Variants in RGS6 observed in about 807,000 individuals in gnomAD.
RGS6 encodes regulator of G-protein signaling 6.
In RGS6, 30 loss-of-function variants were observed where a neutral mutation model predicts 78.5. The ratio of observed to expected loss-of-function variants is 0.38; its 90% CI spans 0.29 to 0.52. The LOEUF is 0.52. Ranked by LOEUF, RGS6 falls within the 20% of genes least tolerant of loss-of-function variation. RGS6 has a pLI of 0.85. For missense variants in RGS6, 495 were observed against 609.7 expected, an observed-to-expected ratio of 0.81 and a Z score of 1.98; for synonymous variants, 206 against 206.0, an observed-to-expected ratio of 1.00 and a Z score of 0.00.
chr14:72,280,099 T>C (rs538375335), intron 2 of RGS6, among the ~76,000 whole-genome samples: 1 of 151,996 alleles, frequency 6.6e-6, no homozygotes. Flanking sequence ...GTCAGCATGG[T>C]CCCCACCGCC....
chr14:71,953,450 A>G (rs566160554), intron 1 of RGS6, among the ~76,000 whole-genome samples: 21 of 152,224 alleles, frequency 1.4e-4, no homozygotes, highest in East Asian at 1.9e-4. Context: ...ATTTCATACA[A>G]TTTTCATGTG....
the RGS6 span, among the ~76,000 whole-genome samples, chr14:71,902,402 G>A: frequency 2.0e-5 from 3 of 151,898 alleles, no homozygotes; most frequent in Non-Finnish European, 2.9e-5. Context: ...TTTGAGCCTC[G>A]GGTACCATGG....
chr14:72,252,933 C>T (rs532663016), intron 2 of RGS6, among the ~76,000 whole-genome samples: 22 of 152,286 alleles, frequency 1.4e-4, no homozygotes, highest in African/African-American at 5.1e-4. Flanking sequence ...GCTCCTCACA[C>T]CTGCCCAGGA....
At chr14:72,163,782 C>G (rs1052562032) in intron 2 of RGS6, among the ~76,000 whole-genome samples, 1 of 151,440 alleles carries the variant, frequency 6.6e-6, no homozygotes, top group African/African-American at 2.4e-5. Context: ...ACTCAGGAGG[C>G]TGAGGTAGGA....
intron 2 of RGS6, among the ~76,000 whole-genome samples, chr14:72,217,602 T>C (rs1157006770): frequency 1.3e-5 from 2 of 152,128 alleles, no homozygotes; most frequent in African/African-American, 2.4e-5. Flanking sequence ...GGAATGCAAA[T>C]ATGAGGAAAG....
At chr14:71,963,928 AAACACT>A (rs2093359695) in intron 1 of RGS6, among the ~76,000 whole-genome samples, 1 of 152,190 alleles carries the variant, frequency 6.6e-6, no homozygotes, top group Non-Finnish European at 1.5e-5. Context: ...TTTTTTGAGG[AAACACT>A]AAGCTGTTTT....
intron 2 of RGS6, among the ~76,000 whole-genome samples, chr14:72,324,606 T>C (rs982359258): frequency 1.3e-5 from 2 of 152,108 alleles, no homozygotes; most frequent in African/African-American, 2.4e-5. Flanking sequence ...ACATGCGGTG[T>C]TTGGTTTTCT....
At chr14:72,252,759 A>G (rs2056119015) in intron 2 of RGS6, among the ~76,000 whole-genome samples, 1 of 152,180 alleles carries the variant, frequency 6.6e-6, no homozygotes, top group Non-Finnish European at 1.5e-5. Flanking sequence ...TTAACATGAA[A>G]ATGTTGAAAA....
rs112231159 is a variant in RGS6, at chr14:72,277,369, G to A, written c.85-74726G>A. Among the ~76,000 whole-genome samples, 472 of 151,196 alleles carry A rather than the reference G, an allele frequency of 3.1e-3. 1 individual carries two copies. Among genetic ancestry groups the A allele is most frequent in the African/African-American group, 0.011 (454 of 41,146 alleles). On this transcript the variant is annotated intron_variant, in intron 2 of 17. Coordinates refer to ENST00000553525, the MANE Select transcript of RGS6 (RefSeq NM_001204424.2). The stretch of plus-strand genomic sequence containing the variant: ...TCCCAGCACTTTGGGAGGCCGAAGC[G>A]GGCGGATCATGAGGTCAGGAGATCG...
At chr14:72,084,957 A>G (rs1234831745) in intron 2 of RGS6, among the ~76,000 whole-genome samples, 1 of 152,158 alleles carries the variant, frequency 6.6e-6, no homozygotes, top group Non-Finnish European at 1.5e-5. Flanking sequence ...TTAAGCTTCA[A>G]TCCCCTGGCC....
chr14:72,444,064 C>T (rs1007726466), intron 3 of RGS6, among the ~76,000 whole-genome samples: 7 of 152,190 alleles, frequency 4.6e-5, no homozygotes, highest in African/African-American at 1.7e-4. Flanking sequence ...ATCTCTCCTC[C>T]ACCCCCACGT....
At chr14:72,026,993 C>T (rs1195309584) in intron 2 of RGS6, among the ~76,000 whole-genome samples, 1 of 152,080 alleles carries the variant, frequency 6.6e-6, no homozygotes, top group Non-Finnish European at 1.5e-5. Context: ...TCCAGACATT[C>T]ACAGATCTAG....
Position 72,092,001 on chromosome 14 carries a change from C to CTTTTG in RGS6, c.84+127161_84+127165dup, listed in dbSNP as rs10595733. On this transcript the variant is annotated intron_variant, in intron 2 of 17. Transcript: ENST00000553525. ...TTTAGTAATTAGCTATAGCTTCAGC[C>CTTTTG]TTTTGTTTTGTTTTGTTTTGTTTTG... Among the ~76,000 whole-genome samples, 490 of 150,774 alleles carry CTTTTG rather than the reference C, an allele frequency of 3.2e-3. 2 individuals carry two copies. The highest frequency in any genetic ancestry group is 8.7e-3 in the South Asian group (41 of 4,722).
the RGS6 span, among the ~76,000 whole-genome samples, chr14:71,909,998 G>A: frequency 9.9e-5 from 15 of 152,004 alleles, no homozygotes; most frequent in African/African-American, 3.1e-4. Context: ...GACCAGCCTG[G>A]GCAACATGAT....
intron 2 of RGS6, among the ~76,000 whole-genome samples, chr14:72,279,914 A>T (rs1464395638): frequency 1.3e-5 from 2 of 152,238 alleles, no homozygotes; most frequent in African/African-American, 4.8e-5. Context: ...CCAGCTAAAA[A>T]GTGAGAGATC....
chr14:72,132,315 T>TGCC (rs938849323), intron 2 of RGS6, among the ~76,000 whole-genome samples: 17 of 151,628 alleles, frequency 1.1e-4, no homozygotes, highest in African/African-American at 3.9e-4. Flanking sequence ...CTCACTCTGT[T>TGCC]GCCCAGGCTG....
chr14:72,100,475 A>G (rs1271596898), intron 2 of RGS6, among the ~76,000 whole-genome samples: 1 of 152,178 alleles, frequency 6.6e-6, no homozygotes, highest in African/African-American at 2.4e-5. Flanking sequence ...AGCCTGGGCA[A>G]TAGAGCAAGA....
chr14:72,476,040 T>C (rs2096237195), intron 10 of RGS6, among the ~76,000 whole-genome samples: 1 of 152,224 alleles, frequency 6.6e-6, no homozygotes. Context: ...ATCTGAGCCC[T>C]TCTGCATTTT....
At chr14:72,139,418 T>G (rs887883564) in intron 2 of RGS6, among the ~76,000 whole-genome samples, 1 of 152,226 alleles carries the variant, frequency 6.6e-6, no homozygotes, top group African/African-American at 2.4e-5. Context: ...TTTGTTCAGT[T>G]ACTGGGCACA....
Sources: allele counts gnomAD v4.1 joint callset (sites outside exome capture counted in the v4.1 genomes callset), GRCh38; gene constraint gnomAD v4.1.1; transcripts MANE v1.5; gene names NCBI Gene and HGNC (gene_info 2026-07-23, HGNC 2026-07-21).